The following DIPK1A variants were observed in gnomAD, a reference collection of about 807,000 sequenced individuals.
DIPK1A encodes the protein divergent protein kinase domain 1A.
DIPK1A carries 27 observed loss-of-function variants against 40.8 expected under a neutral mutation model. The ratio of observed to expected loss-of-function variants is 0.66; its 90% confidence interval spans 0.49 to 0.91. The LOEUF is 0.91. Ranked by LOEUF, DIPK1A falls within the 40% of genes least tolerant of loss-of-function variation. The probability of loss-of-function intolerance (pLI) is 0.00; values close to 1 mark genes in which losing one functional copy is unlikely to be tolerated. For synonymous variants in DIPK1A, 166 were observed against 171.3 expected (o/e 0.97, Z 0.24); for missense variants, 412 against 505.7 (o/e 0.81, Z 1.78).
chr1:92,936,280 A>G (rs12745968), intron 1 of DIPK1A, among the ~76,000 whole-genome samples: 53,172 of 152,070 alleles, frequency 0.35, 9,747 homozygotes, highest in African/African-American at 0.38. Flanking sequence ...CTAAATAGGC[A>G]GCTTTGAAAA....
intron 1 of DIPK1A, among the ~76,000 whole-genome samples, chr1:92,955,718 G>A (rs1651826521): frequency 1.4e-5 from 2 of 141,272 alleles, no homozygotes; most frequent in Admixed American, 7.2e-5. Flanking sequence ...AAAAAGAAAA[G>A]AAAAGAAAGA....
chr1:92,942,458 C>T (rs921022930), intron 1 of DIPK1A, among the ~76,000 whole-genome samples: 6 of 152,118 alleles, frequency 3.9e-5, no homozygotes, highest in Non-Finnish European at 1.5e-5. Flanking sequence ...TTACTTAAAA[C>T]CCATTGAACT....
chr1:92,837,305 C>G (rs753159904), downstream of DIPK1A: 5 of 786,560 alleles, frequency 6.4e-6, no homozygotes, highest in Non-Finnish European at 1.2e-5. Flanking sequence ...TGATGATATC[C>G]CACTAACTGA....
At chr1:92,836,627 G>A in intron 4 of DIPK1A, 1 of 534,068 alleles carries the variant, frequency 1.9e-6, no homozygotes, top group Non-Finnish European at 3.4e-6. Flanking sequence ...GTTATTGAAA[G>A]AGATGGGATT....
At position 92,850,826 on chromosome 1, in the gene DIPK1A, T is replaced by A. The variant is rs376921386; in HGVS notation, c.297+22A>T. On this transcript the variant is annotated intron_variant, in intron 3 of 4. Coordinates refer to ENST00000370310, the MANE Select transcript of DIPK1A (RefSeq NM_001006605.5). ...ATTAGAGTACACTATAATTCTGGAA[T>A]GTTTATTCATAATGGCCATACCTGA... 5.3e-5 allele frequency: 74 copies of A among 1,391,424 alleles called. No individual in the cohort carries two copies. In the Middle Eastern group the frequency reaches 5.3e-4, roughly 10 times the overall value. 86.2% of individuals were successfully genotyped at this position (1,391,424 alleles called of 1,614,324 possible).
At chr1:92,921,811 T>C (rs962123929) in intron 1 of DIPK1A, among the ~76,000 whole-genome samples, 2 of 152,188 alleles carry the variant, frequency 1.3e-5, no homozygotes, top group African/African-American at 4.8e-5. Flanking sequence ...AGGAGTTCTA[T>C]CCTCAGCCCT....
At chr1:92,956,941 G>A (rs1042197483) in intron 1 of DIPK1A, among the ~76,000 whole-genome samples, 71 of 152,082 alleles carry the variant, frequency 4.7e-4, no homozygotes, top group African/African-American at 1.7e-3. Context: ...CAAGTACATG[G>A]GACTTCAAAT....
At chr1:92,852,977 G>C (rs1412386601) in intron 2 of DIPK1A, among the ~76,000 whole-genome samples, 2 of 152,126 alleles carry the variant, frequency 1.3e-5, no homozygotes, top group African/African-American at 4.8e-5. Flanking sequence ...GGGAGGCAGA[G>C]GTTGCAGTGA....
intron 1 of DIPK1A, among the ~76,000 whole-genome samples, chr1:92,950,267 G>A (rs1651571914): frequency 6.6e-6 from 1 of 152,212 alleles, no homozygotes; most frequent in Admixed American, 6.5e-5. Context: ...GTTGACACAT[G>A]AGAGAGAGCA....
chr1:92,960,821 G>A (rs570201449), intron 1 of DIPK1A, among the ~76,000 whole-genome samples: 2 of 152,310 alleles, frequency 1.3e-5, no homozygotes, highest in South Asian at 4.1e-4. Context: ...GGCTCGGCAC[G>A]AGGCACACGC....
downstream of DIPK1A, chr1:92,841,943 A>G (rs994641386): frequency 1.4e-5 from 17 of 1,198,200 alleles, no homozygotes; most frequent in South Asian, 2.2e-4. Context: ...TTAAGCTCTT[A>G]TTCTTATGAA....
At chr1:92,850,788 A>T in intron 3 of DIPK1A, 60 bp downstream of exon 3, 1 of 1,060,404 alleles carries the variant, frequency 9.4e-7, no homozygotes, top group Non-Finnish European at 1.4e-6. Context: ...TAATGCCTTT[A>T]ATTTCTGGTA....
At chr1:92,888,967 T>C (rs1436174918) in intron 1 of DIPK1A, among the ~76,000 whole-genome samples, 1 of 152,212 alleles carries the variant, frequency 6.6e-6, no homozygotes. Context: ...CTGCACGTTG[T>C]CTCTTCACTC....
chr1:92,939,607 C>T (rs963235518), intron 1 of DIPK1A, among the ~76,000 whole-genome samples: 16 of 152,242 alleles, frequency 1.1e-4, no homozygotes, highest in South Asian at 2.1e-4. Context: ...CCCAATGATA[C>T]CCCTTTCCTC....
chr1:92,934,125 G>C (rs576001305), intron 1 of DIPK1A: 5 of 152,266 alleles, frequency 3.3e-5, no homozygotes, highest in African/African-American at 4.8e-5. Flanking sequence ...AAAAACTTTA[G>C]ATAATAAAAA....
intron 1 of DIPK1A, among the ~76,000 whole-genome samples, chr1:92,894,977 A>G (rs1332860078): frequency 6.6e-6 from 1 of 152,092 alleles, no homozygotes; most frequent in African/African-American, 2.4e-5. Context: ...CCCTGAATAG[A>G]CCAATAACAG....
intron 1 of DIPK1A, among the ~76,000 whole-genome samples, chr1:92,911,852 A>G (rs943645956): frequency 6.6e-6 from 1 of 151,682 alleles, no homozygotes; most frequent in East Asian, 1.9e-4. Context: ...AATACACAAA[A>G]AATTAGCTGG....
intron 1 of DIPK1A, among the ~76,000 whole-genome samples, chr1:92,907,665 C>T (rs571420204): frequency 6.6e-6 from 1 of 151,920 alleles, no homozygotes; most frequent in Non-Finnish European, 1.5e-5. Flanking sequence ...GTCTTGAACT[C>T]CCCTGGGCTC....
At chr1:92,887,558 G>GC (rs527923906) in intron 1 of DIPK1A, among the ~76,000 whole-genome samples, 3 of 152,146 alleles carry the variant, frequency 2.0e-5, no homozygotes, top group Non-Finnish European at 2.9e-5. Context: ...TGATACTGTA[G>GC]CCCCTTGAAC....
Sources: allele counts gnomAD v4.1 joint callset (sites outside exome capture counted in the v4.1 genomes callset), GRCh38; gene constraint gnomAD v4.1.1; transcripts MANE v1.5; gene names NCBI Gene and HGNC (gene_info 2026-07-23, HGNC 2026-07-21).